The following UBE2QL1 variants were observed in gnomAD, a reference collection of about 807,000 sequenced individuals.
UBE2QL1 encodes the protein ubiquitin conjugating enzyme E2 QL1, also known as ubiquitin-conjugating enzyme E2Q-like protein 1.
In UBE2QL1, 5 loss-of-function variants were observed where a neutral mutation model predicts 12.6. The ratio of observed to expected loss-of-function variants is 0.40; its 90% confidence interval spans 0.21 to 0.83. The LOEUF (loss-of-function observed/expected upper bound fraction) is 0.83. Among genes scored for constraint, UBE2QL1 ranks in the 40% least tolerant of loss-of-function variants. The pLI is 0.37. For missense variants in UBE2QL1, 99 were observed against 222.6 expected, an observed-to-expected ratio of 0.44 and a Z score of 3.53; for synonymous variants, 96 against 94.5, an observed-to-expected ratio of 1.02 and a Z score of -0.10.
At chr5:6,488,457 C>CAAA (rs200680109) in intron 1 of UBE2QL1, among the ~76,000 whole-genome samples, 5 of 139,468 alleles carry the variant, frequency 3.6e-5, no homozygotes, top group African/African-American at 5.0e-5. Context: ...GCATTTTCGC[C>CAAA]AAAAAAAAAA....
rs1475009320 is a variant in UBE2QL1, at chr5:6,492,290, G to C, written c.*941G>C. 1 of 152,264 alleles carries C rather than the reference G, an allele frequency of 6.6e-6. No homozygotes were observed. Among genetic ancestry groups the C allele is most frequent in the Admixed American group, 6.5e-5 (1 of 15,290 alleles). The allele number at this position is 152,264 out of a possible 1,614,324, so 9.4% of individuals were successfully genotyped here. On this transcript the variant is annotated 3_prime_UTR_variant, in exon 2 of 2. Coordinates refer to ENST00000399816, the MANE Select transcript of UBE2QL1 (RefSeq NM_001145161.3). Reference sequence around the variant, plus strand: ...TCTGTGCTAGTGACAATGAATGTCAGAACTGCCAAAGGATACCAAGTGATC... The same window carrying C: ...TCTGTGCTAGTGACAATGAATGTCACAACTGCCAAAGGATACCAAGTGATC...
intron 1 of UBE2QL1, 89 bp from the exon 2 acceptor site, chr5:6,491,129 C>G: frequency 7.1e-7 from 1 of 1,398,996 alleles, no homozygotes; most frequent in Non-Finnish European, 9.5e-7. Flanking sequence ...ATCAGAAATC[C>G]CCACGACTCT....
At chr5:6,472,110 T>C (rs1739923997) in intron 1 of UBE2QL1, among the ~76,000 whole-genome samples, 1 of 152,210 alleles carries the variant, frequency 6.6e-6, no homozygotes, top group Admixed American at 6.5e-5. Flanking sequence ...GCTCTGAATC[T>C]TAGTTATTTC....
At position 6,481,480 on chromosome 5, in the gene UBE2QL1, G is replaced by A. The variant is rs990929982; in HGVS notation, c.355-9738G>A. 1.3e-5 allele frequency among the ~76,000 whole-genome samples: 2 copies of A among 152,126 alleles called. No homozygotes were observed. Among genetic ancestry groups the A allele is most frequent in the Non-Finnish European group, 2.9e-5 (2 of 68,016 alleles). On this transcript the variant is annotated intron_variant, in intron 1 of 1. Transcript: ENST00000399816. This position sits in a 1 kb window ranked among gnomAD's most constrained non-coding sequence, Gnocchi z 4.5. ...AGAGAGGGGGCACGCTCCCCTCCCC[G>A]CACACCTCTCCCTGCAGAACCACAT...
At chr5:6,458,454 C>T (rs1739581371) in intron 1 of UBE2QL1, among the ~76,000 whole-genome samples, 2 of 152,172 alleles carry the variant, frequency 1.3e-5, no homozygotes, top group African/African-American at 4.8e-5. Flanking sequence ...GAACTTATTA[C>T]ATTTTGGTTC....
chr5:6,473,439 C>T (rs927890153), intron 1 of UBE2QL1, among the ~76,000 whole-genome samples: 8 of 152,210 alleles, frequency 5.3e-5, no homozygotes, highest in African/African-American at 7.2e-5. Context: ...TCAGCATCAG[C>T]GCCCGACTGT....
chr5:6,464,418 C>G (rs1739740685), intron 1 of UBE2QL1, among the ~76,000 whole-genome samples: 1 of 152,170 alleles, frequency 6.6e-6, no homozygotes, highest in Non-Finnish European at 1.5e-5. Flanking sequence ...CAGTGCATTC[C>G]CATAGAATCA....
At chr5:6,477,903 A>C (rs944701883) in intron 1 of UBE2QL1, among the ~76,000 whole-genome samples, 1 of 152,242 alleles carries the variant, frequency 6.6e-6, no homozygotes. Context: ...CAAGCCAGAC[A>C]AAAGACAGAC....
chr5:6,489,340 T>C (rs1734521816), intron 1 of UBE2QL1, among the ~76,000 whole-genome samples: 2 of 151,792 alleles, frequency 1.3e-5, no homozygotes, highest in African/African-American at 4.8e-5. Flanking sequence ...AGGAGGATTG[T>C]TTGAGCCCAG....
At chr5:6,449,722 A>C (rs1579283396) in intron 1 of UBE2QL1, among the ~76,000 whole-genome samples, 6 of 121,946 alleles carry the variant, frequency 4.9e-5, no homozygotes, top group African/African-American at 9.7e-5. Context: ...TGGCTCCCCT[A>C]CTCTTCTTTC....
chr5:6,466,994 A>T (rs1303923977), intron 1 of UBE2QL1, among the ~76,000 whole-genome samples: 1 of 152,218 alleles, frequency 6.6e-6, no homozygotes, highest in East Asian at 1.9e-4. Flanking sequence ...GTCACCCGGC[A>T]CATGAGGCTT....
chr5:6,489,817 G>A (rs1734533761), intron 1 of UBE2QL1, among the ~76,000 whole-genome samples: 1 of 152,200 alleles, frequency 6.6e-6, no homozygotes, highest in Non-Finnish European at 1.5e-5. Context: ...TGCCCTCTAT[G>A]GCTGTCCAAG....
At chr5:6,455,279 G>A (rs747218190) in intron 1 of UBE2QL1, among the ~76,000 whole-genome samples, 11 of 152,060 alleles carry the variant, frequency 7.2e-5, no homozygotes, top group Non-Finnish European at 1.3e-4. Context: ...CCTTCTCATC[G>A]TCAGGAAGAG....
At chr5:6,462,697 C>G (rs1739699412) in intron 1 of UBE2QL1, among the ~76,000 whole-genome samples, 1 of 152,188 alleles carries the variant, frequency 6.6e-6, no homozygotes, top group Non-Finnish European at 1.5e-5. Context: ...ACTCAGCGTG[C>G]ACTTAGGGCA....
intron 1 of UBE2QL1, among the ~76,000 whole-genome samples, chr5:6,483,899 C>T (rs272456): frequency 0.48 from 73,083 of 151,916 alleles, 18,914 homozygotes; most frequent in African/African-American, 0.68. Flanking sequence ...TAGTCATCTA[C>T]TTTGTGAAGC....
At chr5:6,473,697 C>A (rs824619) in intron 1 of UBE2QL1, among the ~76,000 whole-genome samples, 135,581 of 152,202 alleles carry the variant, frequency 0.89, 60,728 homozygotes, top group South Asian at 0.96. Flanking sequence ...ACGCAGAAAA[C>A]CTCAGTACCG....
At chr5:6,486,479 G>T (rs916022331) in intron 1 of UBE2QL1, among the ~76,000 whole-genome samples, 9 of 152,054 alleles carry the variant, frequency 5.9e-5, no homozygotes, top group Non-Finnish European at 1.3e-4. Flanking sequence ...ATGTCTCAAG[G>T]CTTAGCTTAC....
intron 1 of UBE2QL1, among the ~76,000 whole-genome samples, chr5:6,475,154 C>G (rs1734205515): frequency 6.6e-6 from 1 of 152,138 alleles, no homozygotes; most frequent in South Asian, 2.1e-4. Flanking sequence ...ATTGCAATGC[C>G]CTTATACAAA....
rs1292153654 is a variant in UBE2QL1 at position 6,496,203 on chromosome 5, G to A, written c.*4854G>A. Among the ~76,000 whole-genome samples, 1 of 152,184 alleles carries A rather than the reference G, an allele frequency of 6.6e-6. No individual in the cohort carries two copies. The highest frequency in any genetic ancestry group is 2.4e-5 in the African/African-American group (1 of 41,444). ...GCCAATTCACCCTGTGTCTCTCGCA[G>A]AATTAAAGCCAGGAGGTGGCTTTCT... On this transcript the variant is annotated 3_prime_UTR_variant, in exon 2 of 2. Transcript: ENST00000399816.
Sources: gnomAD v4.1 joint callset for allele counts (sites outside exome capture counted in the v4.1 genomes callset) on GRCh38, gnomAD v4.1.1 for gene constraint, Gnocchi (gnomAD v3.1) non-coding constraint, MANE v1.5 for transcripts, NCBI Gene and HGNC (gene_info 2026-07-23, HGNC 2026-07-21) for gene names.